The following ZNF626 variants were observed in gnomAD, a reference collection of about 807,000 sequenced individuals.
ZNF626 encodes the protein CTC-513N18.7.
In ZNF626, 4 loss-of-function variants were observed where a neutral mutation model predicts 11.7. That is an observed-to-expected ratio of 0.34 (90% CI 0.17 to 0.78). ZNF626 has a LOEUF of 0.78. Among genes scored for constraint, ZNF626 ranks in the 30% least tolerant of loss-of-function variants. ZNF626 has a pLI of 0.57. For synonymous variants in ZNF626, 179 were observed against 198.6 expected (o/e 0.90, Z 0.83); for missense variants, 588 against 587.1 (o/e 1.00, Z -0.01).
chr19:20,641,749 C>T (rs1970026768), intron 3 of ZNF626, among the ~76,000 whole-genome samples: 1 of 151,530 alleles, frequency 6.6e-6, no homozygotes, highest in African/African-American at 2.4e-5. Context: ...AGAAAGGGGT[C>T]TCCATATGTT....
chr19:20,640,484 T>C (rs1459583517), intron 3 of ZNF626, among the ~76,000 whole-genome samples: 1 of 151,248 alleles, frequency 6.6e-6, no homozygotes, highest in Admixed American at 6.6e-5. Flanking sequence ...GGTAAAACAT[T>C]TGCATATTAC....
intron 3 of ZNF626, chr19:20,645,391 G>C: frequency 6.2e-7 from 1 of 1,605,618 alleles, no homozygotes; most frequent in Non-Finnish European, 8.5e-7. Flanking sequence ...ACACTGTGCA[G>C]TCTCTTATAT....
intron 1 of ZNF626, among the ~76,000 whole-genome samples, chr19:20,648,906 A>G (rs1970115079): frequency 6.6e-6 from 1 of 152,218 alleles, no homozygotes; most frequent in South Asian, 2.1e-4. Context: ...TGCGGAGAAT[A>G]AGGAGAAGGC....
intron 3 of ZNF626, among the ~76,000 whole-genome samples, chr19:20,641,135 CAAAAA>C (rs141617081): frequency 6.3e-5 from 7 of 111,880 alleles, no homozygotes; most frequent in Non-Finnish European, 6.1e-5. Flanking sequence ...GACTCCATCT[CAAAAA>C]AAAAAAAAAA....
In ZNF626 at chr19:20,642,770, C is replaced by T. The variant is rs76269283; in HGVS notation, c.226+2914G>A. ...GCGGTGGCTCATGCCTGTAGTCTCG[C>T]ACTTTGGGAGGCTGAGGCGGGCGGA... is the stretch of plus-strand genomic sequence containing the variant. On this transcript the variant is annotated intron_variant, in intron 3 of 3. Coordinates refer to ENST00000601440, the MANE Select transcript of ZNF626 (RefSeq NM_001076675.3). Among the ~76,000 whole-genome samples the T allele has an allele frequency of 3.4e-3, 512 of 152,206 alleles. 3 individuals carry two copies. Among genetic ancestry groups the T allele is most frequent in the African/African-American group, 0.012 (486 of 41,500 alleles).
At chr19:20,654,167 G>A (rs1406902392) in intron 1 of ZNF626, among the ~76,000 whole-genome samples, 14 of 152,146 alleles carry the variant, frequency 9.2e-5, no homozygotes, top group Admixed American at 7.9e-4. Flanking sequence ...TAGGCTGGGC[G>A]CAGTGGCTCA....
At position 20,657,706 on chromosome 19, in the gene ZNF626, G is replaced by A. The variant is rs550719948; in HGVS notation, c.3+3738C>T. On this transcript the variant is annotated intron_variant, in intron 1 of 3. Transcript: ENST00000601440. The stretch of plus-strand genomic sequence containing the variant: ...TCTAATCCCAGCTACATAGGAGGCT[G>A]AGGCAGGAGAATTGCTTGAATCCAG... Among the ~76,000 whole-genome samples the A allele has an allele frequency of 1.2e-3, 178 of 152,222 alleles. 1 individual carries two copies. The highest frequency in any genetic ancestry group is 4.1e-3 in the African/African-American group (171 of 41,548).
chr19:20,627,888 C>T (rs1969857907), intron 3 of ZNF626, among the ~76,000 whole-genome samples: 2 of 152,214 alleles, frequency 1.3e-5, no homozygotes. Context: ...ATTAACTCGT[C>T]ATTTAGCATT....
rs1969763722 is a variant in ZNF626, at chr19:20,622,031, A to G, written c.*2259T>C. The G allele has an allele frequency of 6.6e-6, 1 of 152,228 alleles. No homozygotes were observed. The highest frequency in any genetic ancestry group is 1.5e-5 in the Non-Finnish European group (1 of 68,048). The allele number at this position is 152,228 out of a possible 1,614,324, so 9.4% of individuals were successfully genotyped here. On this transcript the variant is annotated 3_prime_UTR_variant, in exon 4 of 4. Coordinates refer to ENST00000601440, the MANE Select transcript of ZNF626 (RefSeq NM_001076675.3). ...GGGAAACCCCATGTCTATTAAAAAT[A>G]TAAAAATTAGCCAGGCGTGGTGTCA...
chr19:20,656,024 T>C (rs1416887105), intron 1 of ZNF626, among the ~76,000 whole-genome samples: 1 of 152,036 alleles, frequency 6.6e-6, no homozygotes, highest in Non-Finnish European at 1.5e-5. Context: ...ATTAGCACAC[T>C]GTATGCACTT....
At chr19:20,637,655 A>G (rs1287549301) in intron 3 of ZNF626, among the ~76,000 whole-genome samples, 9 of 152,082 alleles carry the variant, frequency 5.9e-5, no homozygotes, top group African/African-American at 2.2e-4. Context: ...TCCAGCTTTC[A>G]AGATGATTAC....
rs782772649 is a variant in ZNF626 at position 20,625,150 on chromosome 19, TGGA to T, written c.724_726del (p.Ser242del). 1 of 1,613,016 alleles carries T rather than the reference TGGA, an allele frequency of 6.2e-7. No individual in the cohort carries two copies. Among genetic ancestry groups the T allele is most frequent in the Admixed American group, 1.7e-5 (1 of 59,960 alleles). On this transcript the variant is annotated inframe_deletion, in exon 4 of 4. Transcript: ENST00000601440. ...TGATTTCTCTTATGTGTAGTAAGAG[TGGA>T]GGAGTGCTTAAAGGCTTTGCCACAT... is the stretch of plus-strand genomic sequence containing the variant.
intron 3 of ZNF626, among the ~76,000 whole-genome samples, chr19:20,627,468 C>T (rs1969851019): frequency 6.6e-6 from 1 of 151,594 alleles, no homozygotes; most frequent in Non-Finnish European, 1.5e-5. Context: ...TTAAAAAATC[C>T]TGGAAAAATA....
chr19:20,634,505 TGATA>T (rs1266110216), intron 3 of ZNF626, among the ~76,000 whole-genome samples: 1 of 146,338 alleles, frequency 6.8e-6, no homozygotes, highest in Non-Finnish European at 1.5e-5. Context: ...TATAAATAAT[TGATA>T]AATTTAAAAA....
intron 1 of ZNF626, among the ~76,000 whole-genome samples, chr19:20,653,775 T>C (rs1432379985): frequency 6.6e-6 from 1 of 152,156 alleles, no homozygotes; most frequent in Non-Finnish European, 1.5e-5. Flanking sequence ...GGGTCTATAT[T>C]GAAATACATC....
chr19:20,647,207 T>C (rs187968978), intron 1 of ZNF626, among the ~76,000 whole-genome samples: 82 of 152,216 alleles, frequency 5.4e-4, no homozygotes, highest in African/African-American at 1.9e-3. Context: ...AGAAGGATAT[T>C]TTGTCAAACA....
Position 20,624,881 on chromosome 19 carries a change from T to A in ZNF626, c.996A>T (p.Lys332Asn), listed in dbSNP as rs782374080. ...FKYSYTLTTH[K>N]RIHTEDKPYK... is the part of the protein sequence containing the mutation. ...AGGGTTTGTCTTCAGTATGAATTCT[T>A]TTATGTGTAGTAAGGGTATAGGAGT... Residue 332 changes from lysine (K) to asparagine (N), a missense_variant, in exon 4 of 4, where the codon AAA (lysine) becomes AAT (asparagine). This residue lies in a region of ZNF626 where 524 missense variants were observed against 470.1 expected (regional missense o/e 1.11). Coordinates refer to ENST00000601440, the MANE Select transcript of ZNF626 (RefSeq NM_001076675.3). 1.5e-5 allele frequency: 24 copies of A among 1,603,968 alleles called. No homozygotes were observed. The highest frequency in any genetic ancestry group is 2.0e-5 in the Non-Finnish European group (23 of 1,176,386).
At chr19:20,632,168 T>C (rs564128595) in intron 3 of ZNF626, among the ~76,000 whole-genome samples, 1 of 152,364 alleles carries the variant, frequency 6.6e-6, no homozygotes, top group African/African-American at 2.4e-5. Context: ...GCTGTTAGTC[T>C]GCTGGGCTTC....
intron 1 of ZNF626, among the ~76,000 whole-genome samples, chr19:20,650,956 A>C (rs1173812835): frequency 2.0e-5 from 3 of 152,120 alleles, no homozygotes; most frequent in African/African-American, 7.2e-5. Context: ...TGGGAAGCTG[A>C]GGTAGGTGGA....
Sources: gnomAD v4.1 joint callset for allele counts (sites outside exome capture counted in the v4.1 genomes callset) on GRCh38, gnomAD v4.1.1 for gene constraint, gnomAD v4.1.1 regional missense constraint, MANE v1.5 for transcripts, NCBI Gene and HGNC (gene_info 2026-07-23, HGNC 2026-07-21) for gene names.